SPTB: variants seen among roughly 807,000 people sequenced by gnomAD.
SPTB encodes spectrin beta chain, erythrocytic.
A neutral mutation model predicts 256.2 loss-of-function variants in SPTB; 45 were observed. That is an observed-to-expected ratio of 0.18 (90% CI 0.14 to 0.23). The LOEUF (loss-of-function observed/expected upper bound fraction) is 0.23. Ranked by LOEUF, SPTB falls within the 10% of genes least tolerant of loss-of-function variation. SPTB has a pLI of 1.00. For synonymous variants in SPTB, 1,231 were observed against 1,243.1 expected (o/e 0.99, Z 0.21); for missense variants, 2,715 against 3,040.4 (o/e 0.89, Z 2.52).
chr14:64,826,027 A>C lies in SPTB; in HGVS notation c.-51-2882T>G, dbSNP rs1447759113. Among the ~76,000 whole-genome samples the C allele has an allele frequency of 6.6e-6, 1 of 152,216 alleles. No individual in the cohort carries two copies. The highest frequency in any genetic ancestry group is 1.5e-5 in the Non-Finnish European group (1 of 68,036). On this transcript the variant is annotated intron_variant, in intron 1 of 35. Transcript: ENST00000644917. This position sits in a 1 kb window ranked among gnomAD's most constrained non-coding sequence, Gnocchi z 4.4. ...AAGAGTCAGGTCCCTGAAAACAAACACCAAGGAAAGATGATTCAGAAATGA... is the reference window on the plus strand; with the variant it reads ...AAGAGTCAGGTCCCTGAAAACAAACCCCAAGGAAAGATGATTCAGAAATGA...
intron 1 of SPTB, among the ~76,000 whole-genome samples, chr14:64,859,115 G>A (rs1324263068): frequency 2.0e-5 from 3 of 149,876 alleles, no homozygotes; most frequent in Non-Finnish European, 2.9e-5. Context: ...TTAGCCAGAC[G>A]TGGTGGCACG....
intron 26 of SPTB, 26 bp from the exon 27 acceptor site, chr14:64,771,155 G>T (rs1268717286): frequency 2.5e-6 from 4 of 1,612,186 alleles, no homozygotes; most frequent in Non-Finnish European, 3.4e-6. Flanking sequence ...ATCAGACATT[G>T]TTCCCTGGAC....
At position 64,792,185 on chromosome 14, in the gene SPTB, T is replaced by G. The variant is rs1282149602; in HGVS notation, c.2667-329A>C. ...GTATTTGTGTGGGGGATGTCAATTG[T>G]CACAAGGGCCACCTTCCAGGCCTCT... is the stretch of plus-strand genomic sequence containing the variant. On this transcript the variant is annotated intron_variant, in intron 14 of 35. Transcript: ENST00000644917. The surrounding 1 kb of genome is among the most constrained non-coding windows in gnomAD (Gnocchi z 4.2). Among the ~76,000 whole-genome samples, 1 of 152,214 alleles carries G rather than the reference T, an allele frequency of 6.6e-6. No homozygotes were observed. Among genetic ancestry groups the G allele is most frequent in the African/African-American group, 2.4e-5 (1 of 41,458 alleles).
chr14:64,752,531 C>G (rs2081967134), intron 33 of SPTB, among the ~76,000 whole-genome samples: 1 of 152,328 alleles, frequency 6.6e-6, no homozygotes, highest in Middle Eastern at 3.4e-3. Flanking sequence ...GAACAAATGA[C>G]TTAACCTTTC....
At chr14:64,752,640 T>C (rs1406124558) in intron 33 of SPTB, among the ~76,000 whole-genome samples, 1 of 152,230 alleles carries the variant, frequency 6.6e-6, no homozygotes, top group Non-Finnish European at 1.5e-5. Flanking sequence ...ACATAGTAGA[T>C]GCTCAGTAAA....
Position 64,870,064 on chromosome 14 carries a change from A to G in SPTB, c.-52+9728T>C, listed in dbSNP as rs1882438310. Among the ~76,000 whole-genome samples, 4 of 152,278 alleles carry G rather than the reference A, an allele frequency of 2.6e-5. No individual in the cohort carries two copies. The South Asian group carries it at 8.3e-4, about 32-fold the overall frequency. On this transcript the variant is annotated intron_variant, in intron 1 of 35. Coordinates refer to ENST00000644917, the MANE Select transcript of SPTB (RefSeq NM_001355436.2). Reference sequence around the variant, plus strand: ...CCCATTGCAAGAAGCTTGAACTAACAGTGTAGAAGGCAAGTTGACAATTAC... The same window carrying G: ...CCCATTGCAAGAAGCTTGAACTAACGGTGTAGAAGGCAAGTTGACAATTAC...
In SPTB at chr14:64,822,815, C is replaced by T. The variant is rs143864181; in HGVS notation, c.148+132G>A. 3.1e-3 allele frequency: 4,352 copies of T among 1,413,738 alleles called. 8 individuals carry two copies. The highest frequency in any genetic ancestry group is 3.6e-3 in the Non-Finnish European group (3,610 of 1,005,830). The allele number at this position is 1,413,738 out of a possible 1,614,324, so 87.6% of individuals were successfully genotyped here. A position where few individuals can be genotyped will look rare whatever the true frequency, so the allele number is the denominator to read the frequency against. On this transcript the variant is annotated intron_variant, in intron 2 of 35. Coordinates refer to ENST00000644917, the MANE Select transcript of SPTB (RefSeq NM_001355436.2). ...AAGGGGACCCCCACCTCCCTGAGCC[C>T]GACAAACACGTCTCCATCACTGCCA... is the stretch of plus-strand genomic sequence containing the variant.
In SPTB at chr14:64,862,548, A is replaced by G. The variant is rs187845638; in HGVS notation, c.-52+17244T>C. On this transcript the variant is annotated intron_variant, in intron 1 of 35. Transcript: ENST00000644917. ...GATTTTAGAATTATTCTTAATTTTG[A>G]TTATATGATCTTAATTTTGTGTCCA... is the stretch of plus-strand genomic sequence containing the variant. Among the ~76,000 whole-genome samples the G allele has an allele frequency of 4.4e-3, 670 of 152,094 alleles. 7 individuals are homozygous for G. The highest frequency in any genetic ancestry group is 0.015 in the African/African-American group (630 of 41,492).
At chr14:64,755,248 G>A (rs2082004197) in intron 32 of SPTB, 1 of 152,232 alleles carries the variant, frequency 6.6e-6, no homozygotes, top group South Asian at 2.1e-4. Context: ...AGGATGGGAG[G>A]ATGTGGGCCC....
chr14:64,802,401 C>T lies in SPTB; in HGVS notation c.475-84G>A. 7 of 1,258,586 alleles carry T rather than the reference C, an allele frequency of 5.6e-6. No homozygotes were observed. The highest frequency in any genetic ancestry group is 1.5e-5 in the African/African-American group (1 of 67,962). The allele number at this position is 1,258,586 out of a possible 1,614,324, so 78.0% of individuals were successfully genotyped here. A position where few individuals can be genotyped will look rare whatever the true frequency, so the allele number is the denominator to read the frequency against. ...CTGCCGTCCCTGGGAGGCTCCCTCC[C>T]TCATCCCCCCTTCACTTAACACTAA... On this transcript the variant is annotated intron_variant, in intron 4 of 35. Coordinates refer to ENST00000644917, the MANE Select transcript of SPTB (RefSeq NM_001355436.2). This position sits in a 1 kb window ranked among gnomAD's most constrained non-coding sequence, Gnocchi z 5.1.
At chr14:64,801,166 C>T in intron 7 of SPTB, 119 bp downstream of exon 7, 1 of 842,098 alleles carries the variant, frequency 1.2e-6, no homozygotes, top group Non-Finnish European at 1.9e-6. Flanking sequence ...CTCACTGTGC[C>T]CACAGCTTGC....
chr14:64,833,946 T>G (rs1055033729), intron 1 of SPTB, among the ~76,000 whole-genome samples: 1 of 152,212 alleles, frequency 6.6e-6, no homozygotes, highest in African/African-American at 2.4e-5. Flanking sequence ...CATAGCATGT[T>G]GCAGTAGCAC....
In SPTB at chr14:64,773,235, G is replaced by C. The variant is rs752454815; in HGVS notation, c.5163C>G (p.Asp1721Glu). 50 of 1,614,144 alleles carry C rather than the reference G, an allele frequency of 3.1e-5. No individual in the cohort carries two copies. The East Asian group carries it at 1.1e-3, about 36-fold the overall frequency. Residue 1721 changes from aspartate to glutamate, a missense_variant, in exon 25 of 36, where the codon GAC (aspartate) becomes GAG (glutamate). Physicochemically the swap from Asp to Glu is conservative, Grantham distance 45. Coordinates refer to ENST00000644917, the MANE Select transcript of SPTB (RefSeq NM_001355436.2). ...LVASSPEMGQ[D>E]FDHVTLLRDK... ...GGCTACTCACAGTCACGTGGTCAAAGTCTTGCCCCATTTCCGGGGAAGAGG... is the reference window on the plus strand; with the variant it reads ...GGCTACTCACAGTCACGTGGTCAAACTCTTGCCCCATTTCCGGGGAAGAGG...
chr14:64,799,064 T>C (rs1256296), intron 9 of SPTB, among the ~76,000 whole-genome samples: 32,603 of 152,238 alleles, frequency 0.21, 3,655 homozygotes, highest in South Asian at 0.33. Flanking sequence ...TGTGCACACA[T>C]AAATGCATGT....
At chr14:64,819,176 G>A (rs1189814326) in intron 2 of SPTB, among the ~76,000 whole-genome samples, 1 of 152,152 alleles carries the variant, frequency 6.6e-6, no homozygotes, top group African/African-American at 2.4e-5. Flanking sequence ...CTGACTCCCA[G>A]TTTCATAAAG....
chr14:64,797,465 TC>T lies in SPTB; in HGVS notation c.1182+263del, dbSNP rs1258690002. 1.7e-4 allele frequency among the ~76,000 whole-genome samples: 5 copies of T among 30,088 alleles called. No individual in the cohort carries two copies. The East Asian group carries it at 2.2e-3, about 13-fold the overall frequency. 19.7% of individuals were successfully genotyped at this position (30,088 alleles called of 152,430 possible). A position where few individuals can be genotyped will look rare whatever the true frequency, so the allele number is the denominator to read the frequency against. On this transcript the variant is annotated intron_variant, in intron 10 of 35. Transcript: ENST00000644917. ...CTGGGTGACAGAGTGAGACCCTGTC[TC>T]CAAAAAAAAAAAAAAAAAAAAAAAA...
At chr14:64,859,161 C>T (rs181462167) in intron 1 of SPTB, among the ~76,000 whole-genome samples, 139 of 151,732 alleles carry the variant, frequency 9.2e-4, no homozygotes, top group South Asian at 5.6e-3. Flanking sequence ...GGCTGAGGCA[C>T]GAGAATCGCT....
rs764760253 is a variant in SPTB, at chr14:64,841,458, G to C, written c.-51-18313C>G. ...CAACACCAGGCAACAAGAGCATCAA[G>C]AAAGGCAACAGGAAAGAAAGATGAT... is the stretch of plus-strand genomic sequence containing the variant. On this transcript the variant is annotated intron_variant, in intron 1 of 35. Coordinates refer to ENST00000644917, the MANE Select transcript of SPTB (RefSeq NM_001355436.2). The surrounding 1 kb of genome is among the most constrained non-coding windows in gnomAD (Gnocchi z 4.6). Among the ~76,000 whole-genome samples, 3 of 152,190 alleles carry C rather than the reference G, an allele frequency of 2.0e-5. No individual in the cohort carries two copies. The highest frequency in any genetic ancestry group is 7.2e-5 in the African/African-American group (3 of 41,436).
chr14:64,753,681 A>G lies in SPTB; in HGVS notation c.6458T>C (p.Phe2153Ser), dbSNP rs2081983012. Residue 2153 changes from phenylalanine (F) to serine (S), a missense_variant, in exon 33 of 36, where the codon TTT becomes TCT. Physicochemically the swap from Phe to Ser is radical, Grantham distance 155. Coordinates refer to ENST00000644917, the MANE Select transcript of SPTB (RefSeq NM_001355436.2). Reference sequence around the variant, plus strand: ...GCTCAGAGGCGTATCTAGGACCTTAAAGAGGGGCTCCGTGGTGGGCCTCTC... The same window carrying G: ...GCTCAGAGGCGTATCTAGGACCTTAGAGAGGGGCTCCGTGGTGGGCCTCTC... Reference protein sequence around the residue: ...GDERPTTEPLFKVLDTPLSEG... With the variant: ...GDERPTTEPLSKVLDTPLSEG... 6.2e-7 allele frequency: 1 copy of G among 1,613,536 alleles called. No individual in the cohort carries two copies. The highest frequency in any genetic ancestry group is 1.7e-5 in the Admixed American group (1 of 59,996).
Sources: gnomAD v4.1 joint callset for allele counts (sites outside exome capture counted in the v4.1 genomes callset) on GRCh38, gnomAD v4.1.1 for gene constraint, Gnocchi (gnomAD v3.1) non-coding constraint, MANE v1.5 for transcripts, NCBI Gene and HGNC (gene_info 2026-07-23, HGNC 2026-07-21) for gene names.